The following DHRS12 variants were observed in gnomAD, a reference collection of about 807,000 sequenced individuals.
DHRS12 encodes dehydrogenase/reductase 12, also known as dehydrogenase/reductase SDR family member 12.
A neutral mutation model predicts 32.1 loss-of-function variants in DHRS12; 29 were observed. That is an observed-to-expected ratio of 0.90 (90% confidence interval 0.67 to 1.23). The LOEUF (loss-of-function observed/expected upper bound fraction) is 1.23, where lower values mean the gene tolerates loss of function less well. DHRS12 is among the 50% of genes most tolerant of loss of function. The pLI is 0.00. For synonymous variants in DHRS12, 150 were observed against 135.9 expected (o/e 1.10, Z -0.72); for missense variants, 330 against 337.2 (o/e 0.98, Z 0.17).
At chr13:51,764,998 C>T (rs1166085959), downstream of DHRS12, 1 of 152,312 alleles carries the variant, frequency 6.6e-6, no homozygotes, top group Non-Finnish European at 1.5e-5. Flanking sequence ...CTGCCCTCCA[C>T]TTCCTGCTCT....
At chr13:51,798,336 T>C (rs982724496) in intron 2 of DHRS12, among the ~76,000 whole-genome samples, 2 of 152,198 alleles carry the variant, frequency 1.3e-5, no homozygotes, top group African/African-American at 4.8e-5. Flanking sequence ...TCAGCCAAAG[T>C]AGACAGCCAC....
intron 5 of DHRS12, 199 bp from the exon 6 acceptor site, chr13:51,774,233 TCTC>T (rs199775290): frequency 1.9e-6 from 1 of 514,826 alleles, no homozygotes; most frequent in Non-Finnish European, 3.4e-6. Context: ...GTACATGTAT[TCTC>T]CTACAGTATT....
chr13:51,773,846 T>C (rs1010293855), intron 6 of DHRS12, 84 bp downstream of exon 6: 13 of 1,153,018 alleles, frequency 1.1e-5, no homozygotes, highest in Admixed American at 1.7e-5. Flanking sequence ...CCGATTAATG[T>C]GCATCCCAGA....
At chr13:51,787,646 A>G (rs1050384823) in intron 4 of DHRS12, among the ~76,000 whole-genome samples, 4 of 146,730 alleles carry the variant, frequency 2.7e-5, no homozygotes, top group African/African-American at 1.0e-4. Context: ...TACCTCCATT[A>G]TAGCACTAAA....
At chr13:51,776,178 A>C (rs1178735028) in intron 5 of DHRS12, 1 of 133,548 alleles carries the variant, frequency 7.5e-6, no homozygotes, top group Non-Finnish European at 1.6e-5. Context: ...ATTCTCCTAC[A>C]TGTACTCTAC....
intron 7 of DHRS12, chr13:51,771,613 A>G: frequency 3.3e-6 from 5 of 1,495,422 alleles, no homozygotes; most frequent in African/African-American, 2.8e-5. Flanking sequence ...TGACTTGCAC[A>G]GGGCAAGCTG....
downstream of DHRS12, chr13:51,766,357 A>G (rs971905018): frequency 1.3e-5 from 2 of 152,272 alleles, no homozygotes; most frequent in Non-Finnish European, 2.9e-5. Flanking sequence ...TCCATTCTCT[A>G]CATCCACCGG....
In DHRS12 at chr13:51,768,182, T is replaced by C; in HGVS notation, c.*5A>G. The C allele has an allele frequency of 6.5e-7, 1 of 1,536,170 alleles. No homozygotes were observed. Among genetic ancestry groups the C allele is most frequent in the Non-Finnish European group, 8.7e-7 (1 of 1,146,910 alleles). ...ATTCTGGTACCGCACTGTGTCTGGG[T>C]TGGCCTATTTAAATGTCTGAGCCAG... On this transcript the variant is annotated 3_prime_UTR_variant, in exon 9 of 9. Transcript: ENST00000444610.
At chr13:51,800,562 G>A (rs997782724) in intron 1 of DHRS12, among the ~76,000 whole-genome samples, 1 of 152,176 alleles carries the variant, frequency 6.6e-6, no homozygotes, top group East Asian at 1.9e-4. Context: ...GATTTCTCCT[G>A]GGCAATGCAG....
chr13:51,799,328 G>C (rs1048140982), intron 2 of DHRS12, among the ~76,000 whole-genome samples: 1 of 152,176 alleles, frequency 6.6e-6, no homozygotes, highest in African/African-American at 2.4e-5. Context: ...GCTCGCCTGA[G>C]AATTAATTAA....
chr13:51,768,023 G>GTATT lies in DHRS12; in HGVS notation c.*160_*163dup, dbSNP rs984351828. The GTATT allele has an allele frequency of 2.8e-5, 40 of 1,429,222 alleles. No individual in the cohort carries two copies. The highest frequency in any genetic ancestry group is 3.6e-5 in the Non-Finnish European group (39 of 1,096,156). 88.5% of individuals were successfully genotyped at this position (1,429,222 alleles called of 1,614,324 possible). A position where few individuals can be genotyped will look rare whatever the true frequency, so the allele number is the denominator to read the frequency against. On this transcript the variant is annotated 3_prime_UTR_variant, in exon 9 of 9. Transcript: ENST00000444610. ...GGTGAGCCTGATCACAGCCTCGGTA[G>GTATT]TATTTATTTTGAAATAAAAGTTCCC...
At chr13:51,789,508 T>G in intron 4 of DHRS12, 3 of 977,638 alleles carry the variant, frequency 3.1e-6, no homozygotes, top group Non-Finnish European at 3.6e-6. Flanking sequence ...CAGGTGATGC[T>G]GAGGCTGCTG....
intron 4 of DHRS12, among the ~76,000 whole-genome samples, chr13:51,783,954 C>T (rs992954306): frequency 5.3e-5 from 8 of 152,130 alleles, no homozygotes; most frequent in African/African-American, 4.8e-5. Context: ...CATTCGTGTG[C>T]GTATTTTTGT....
chr13:51,789,238 C>T (rs979019869), intron 4 of DHRS12, among the ~76,000 whole-genome samples: 2 of 152,190 alleles, frequency 1.3e-5, no homozygotes, highest in Admixed American at 6.5e-5. Context: ...TTAAAACACC[C>T]CCCTCACTAC....
At chr13:51,797,101 G>A (rs1053790447) in intron 2 of DHRS12, among the ~76,000 whole-genome samples, 2 of 152,236 alleles carry the variant, frequency 1.3e-5, no homozygotes, top group African/African-American at 4.8e-5. Flanking sequence ...GACAGTGAGC[G>A]AGCAGCCATG....
chr13:51,790,926 T>C (rs544390027), intron 3 of DHRS12, among the ~76,000 whole-genome samples: 2 of 152,088 alleles, frequency 1.3e-5, no homozygotes, highest in Non-Finnish European at 2.9e-5. Flanking sequence ...ATGGAACATA[T>C]CTATCCTCCC....
chr13:51,800,186 G>C (rs1003669559), intron 1 of DHRS12, among the ~76,000 whole-genome samples: 1 of 152,200 alleles, frequency 6.6e-6, no homozygotes, highest in South Asian at 2.1e-4. Flanking sequence ...GGGACACAAG[G>C]TGTGCACTGC....
chr13:51,769,694 T>C (rs567057713), intron 7 of DHRS12, among the ~76,000 whole-genome samples: 1 of 152,176 alleles, frequency 6.6e-6, no homozygotes, highest in Admixed American at 6.5e-5. Context: ...TCTCAAACCA[T>C]CTAGGCTCAG....
chr13:51,803,277 T>G (rs1488028655), intron 1 of DHRS12, among the ~76,000 whole-genome samples: 11 of 152,136 alleles, frequency 7.2e-5, no homozygotes, highest in African/African-American at 2.7e-4. Context: ...GGCATTTGGA[T>G]GAAATGCCAG....
Sources: gnomAD v4.1 joint callset for allele counts (sites outside exome capture counted in the v4.1 genomes callset) on GRCh38, gnomAD v4.1.1 for gene constraint, MANE v1.5 for transcripts, NCBI Gene and HGNC (gene_info 2026-07-23, HGNC 2026-07-21) for gene names.